ZDHHC2: variants seen among roughly 807,000 people sequenced by gnomAD.
ZDHHC2 encodes the protein palmitoyltransferase ZDHHC2.
A neutral mutation model predicts 55.6 loss-of-function variants in ZDHHC2; 51 were observed. That is an observed-to-expected ratio of 0.92 (90% CI 0.73 to 1.16). ZDHHC2 has a LOEUF of 1.16. ZDHHC2 is among the 50% of genes most tolerant of loss of function. The probability of loss-of-function intolerance (pLI) is 0.00; values close to 1 mark genes in which losing one functional copy is unlikely to be tolerated. For synonymous variants in ZDHHC2, 199 were observed against 152.9 expected (o/e 1.30, Z -2.22); for missense variants, 491 against 442.4 (o/e 1.11, Z -0.99).
chr8:17,199,852 C>T (rs755268010), intron 6 of ZDHHC2, among the ~76,000 whole-genome samples: 7 of 151,188 alleles, frequency 4.6e-5, no homozygotes, highest in African/African-American at 1.7e-4. Flanking sequence ...CTCTGCCTCC[C>T]GGGTTCAAGC....
chr8:17,183,576 C>T (rs576581464), intron 1 of ZDHHC2, among the ~76,000 whole-genome samples: 1 of 152,130 alleles, frequency 6.6e-6, no homozygotes, highest in Non-Finnish European at 1.5e-5. Flanking sequence ...TTTACAGATG[C>T]CACATCTACG....
chr8:17,217,394 C>G, intron 12 of ZDHHC2, 148 bp downstream of exon 12: 1 of 599,062 alleles, frequency 1.7e-6, no homozygotes, highest in Admixed American at 3.1e-5. Context: ...ATTAGCCATG[C>G]TGGGGCTTCT....
intron 8 of ZDHHC2, 55 bp from the exon 9 acceptor site, chr8:17,209,877 G>T (rs947365386): frequency 4.0e-6 from 6 of 1,517,954 alleles, no homozygotes; most frequent in Non-Finnish European, 5.3e-6. Context: ...AAATATTCAG[G>T]ATTGCTAGTA....
chr8:17,198,685 A>G (rs542515344), intron 6 of ZDHHC2, among the ~76,000 whole-genome samples: 1 of 152,238 alleles, frequency 6.6e-6, no homozygotes, highest in Admixed American at 6.5e-5. Flanking sequence ...ATGCATGTGC[A>G]TGAACAGAGA....
In ZDHHC2 at chr8:17,186,311, TTA is replaced by T; in HGVS notation, c.158-18_158-17del. 6.7e-7 allele frequency: 1 copy of T among 1,496,986 alleles called. No homozygotes were observed. Among genetic ancestry groups the T allele is most frequent in the Non-Finnish European group, 9.2e-7 (1 of 1,091,602 alleles). 92.7% of individuals were successfully genotyped at this position (1,496,986 alleles called of 1,614,324 possible). On this transcript the variant is annotated intron_variant, in intron 2 of 12. Coordinates refer to ENST00000262096, the MANE Select transcript of ZDHHC2 (RefSeq NM_016353.5). The stretch of plus-strand genomic sequence containing the variant: ...ATGTATTTGCATATTATAATGATAA[TTA>T]TGTTTTTCTCATTTTAGTTGTGTGC...
chr8:17,170,459 TG>T lies in ZDHHC2; in HGVS notation c.130+13607del, dbSNP rs1480410317. Among the ~76,000 whole-genome samples the T allele has an allele frequency of 5.3e-5, 8 of 152,354 alleles. No individual in the cohort carries two copies. The East Asian group carries it at 1.3e-3, about 26-fold the overall frequency. ...TATATAGTTTCTTTCTCTGGAGAGT[TG>T]TAAAGTACTCATAAGTGTCAAATAA... On this transcript the variant is annotated intron_variant, in intron 1 of 12. Coordinates refer to ENST00000262096, the MANE Select transcript of ZDHHC2 (RefSeq NM_016353.5).
intron 1 of ZDHHC2, among the ~76,000 whole-genome samples, chr8:17,161,675 T>C (rs1272418796): frequency 6.6e-6 from 1 of 152,058 alleles, no homozygotes; most frequent in African/African-American, 2.4e-5. Flanking sequence ...CTGGCCAACA[T>C]AGTGGAACCC....
chr8:17,186,475 C>A, intron 3 of ZDHHC2, 50 bp downstream of exon 3: 1 of 1,121,544 alleles, frequency 8.9e-7, no homozygotes, highest in Non-Finnish European at 1.2e-6. Context: ...ATCAATAATA[C>A]TGATGTATTA....
chr8:17,174,081 TTTCTTC>T (rs541050945), intron 1 of ZDHHC2, among the ~76,000 whole-genome samples: 7 of 151,088 alleles, frequency 4.6e-5, no homozygotes, highest in African/African-American at 1.7e-4. Flanking sequence ...CTCTATTCTT[TTTCTTC>T]TTCTTCTTCT....
At chr8:17,168,741 C>T (rs1162048575) in intron 1 of ZDHHC2, among the ~76,000 whole-genome samples, 1 of 151,910 alleles carries the variant, frequency 6.6e-6, no homozygotes, top group Non-Finnish European at 1.5e-5. Flanking sequence ...TGGAATCATA[C>T]AATATTTGTC....
At chr8:17,177,108 C>A (rs1162853464) in intron 1 of ZDHHC2, among the ~76,000 whole-genome samples, 1 of 152,130 alleles carries the variant, frequency 6.6e-6, no homozygotes, top group African/African-American at 2.4e-5. Context: ...TTCCCCTGGC[C>A]AATTTTGTCA....
chr8:17,188,837 C>T (rs1254131844), intron 3 of ZDHHC2, among the ~76,000 whole-genome samples: 2 of 152,212 alleles, frequency 1.3e-5, no homozygotes, highest in East Asian at 3.8e-4. Flanking sequence ...TTCCCCAGTT[C>T]TTCTAGTCCT....
At chr8:17,170,963 G>A (rs1405907879) in intron 1 of ZDHHC2, among the ~76,000 whole-genome samples, 5 of 152,174 alleles carry the variant, frequency 3.3e-5, no homozygotes, top group Non-Finnish European at 5.9e-5. Flanking sequence ...CTAATAAGGG[G>A]AGTATTTCAG....
rs1339009359 is a variant in ZDHHC2 at position 17,181,186 on chromosome 8, G to A, written c.131-3603G>A. Among the ~76,000 whole-genome samples the A allele has an allele frequency of 2.0e-5, 3 of 152,222 alleles. No homozygotes were observed. The East Asian group carries it at 5.8e-4, about 29-fold the overall frequency. On this transcript the variant is annotated intron_variant, in intron 1 of 12. Coordinates refer to ENST00000262096, the MANE Select transcript of ZDHHC2 (RefSeq NM_016353.5). ...TGAATACTTCTCATATGTCCGCTTT[G>A]ATATACCAGTTTTATGTGATTCAAA...
intron 1 of ZDHHC2, among the ~76,000 whole-genome samples, chr8:17,158,112 C>T (rs780316867): frequency 9.2e-5 from 14 of 151,944 alleles, no homozygotes; most frequent in Non-Finnish European, 1.5e-4. Flanking sequence ...AACCTTGAGT[C>T]TGTTGTTGGG....
chr8:17,206,387 G>A (rs921017651), intron 7 of ZDHHC2, among the ~76,000 whole-genome samples: 1 of 152,172 alleles, frequency 6.6e-6, no homozygotes, highest in African/African-American at 2.4e-5. Flanking sequence ...ACACTGATCA[G>A]TTGTCAAAGA....
chr8:17,167,425 C>T (rs1804657702), intron 1 of ZDHHC2, among the ~76,000 whole-genome samples: 1 of 151,308 alleles, frequency 6.6e-6, no homozygotes. Flanking sequence ...CCCGCCTCAG[C>T]CTCTCGAGTA....
intron 3 of ZDHHC2, among the ~76,000 whole-genome samples, chr8:17,190,064 A>G (rs1035028412): frequency 3.9e-5 from 6 of 152,100 alleles, no homozygotes; most frequent in African/African-American, 1.4e-4. Context: ...AGCATGGGGG[A>G]AAAATAGCAA....
intron 1 of ZDHHC2, among the ~76,000 whole-genome samples, chr8:17,177,911 A>G (rs1805230141): frequency 6.6e-6 from 1 of 152,166 alleles, no homozygotes; most frequent in African/African-American, 2.4e-5. Flanking sequence ...CAAAGGAGAG[A>G]GATTGAATTT....
Sources: gnomAD v4.1 joint callset for allele counts (sites outside exome capture counted in the v4.1 genomes callset) on GRCh38, gnomAD v4.1.1 for gene constraint, MANE v1.5 for transcripts, NCBI Gene and HGNC (gene_info 2026-07-23, HGNC 2026-07-21) for gene names.